WDPCP: variants seen among roughly 807,000 people sequenced by gnomAD.
WDPCP encodes WD repeat containing planar cell polarity effector, also known as WD repeat-containing and planar cell polarity effector protein fritz homolog.
WDPCP carries 71 observed loss-of-function variants against 93.1 expected under a neutral mutation model. The observed-to-expected ratio is 0.76, with a 90% confidence interval of 0.63 to 0.93. The LOEUF (loss-of-function observed/expected upper bound fraction) is 0.93. WDPCP is among the 40% of genes least tolerant of loss of function. WDPCP has a pLI of 0.00. For missense variants in WDPCP, 844 were observed against 887.4 expected, an observed-to-expected ratio of 0.95 and a Z score of 0.62; for synonymous variants, 315 against 315.0, an observed-to-expected ratio of 1.00 and a Z score of 0.00.
chr2:63,676,512 T>C (rs1380549538), intron 2 of WDPCP, among the ~76,000 whole-genome samples: 2 of 152,108 alleles, frequency 1.3e-5, no homozygotes, highest in African/African-American at 2.4e-5. Context: ...AAAAAATTTA[T>C]CAGTGCCCCA....
intron 13 of WDPCP, among the ~76,000 whole-genome samples, chr2:63,267,203 A>G (rs1682207339): frequency 1.3e-5 from 2 of 152,372 alleles, no homozygotes; most frequent in Middle Eastern, 6.8e-3. Context: ...ATTTTCAACA[A>G]AGCAGCCAAG....
At chr2:63,688,123 G>A (rs1038453208) in intron 2 of WDPCP, among the ~76,000 whole-genome samples, 1 of 152,162 alleles carries the variant, frequency 6.6e-6, no homozygotes, top group Non-Finnish European at 1.5e-5. Context: ...TTTATCTGTG[G>A]GAGCTAAAAG....
intron 14 of WDPCP, among the ~76,000 whole-genome samples, chr2:63,253,975 C>A (rs1161177547): frequency 6.6e-6 from 1 of 152,116 alleles, no homozygotes; most frequent in East Asian, 1.9e-4. Flanking sequence ...GACATGGAAT[C>A]AACCTAGGAA....
At chr2:63,471,420 C>T (rs537325390) in intron 6 of WDPCP, among the ~76,000 whole-genome samples, 19 of 152,250 alleles carry the variant, frequency 1.2e-4, no homozygotes, top group African/African-American at 4.1e-4. Context: ...TTCATATGGC[C>T]AACTGCAGCT....
intron 1 of WDPCP, among the ~76,000 whole-genome samples, chr2:63,579,144 CAT>C (rs1404450668): frequency 6.6e-6 from 1 of 152,136 alleles, no homozygotes; most frequent in East Asian, 1.9e-4. Context: ...GTGCTCTAAA[CAT>C]AAGTCTTCTC....
chr2:63,368,403 G>A (rs1279622414), intron 12 of WDPCP, among the ~76,000 whole-genome samples: 1 of 151,788 alleles, frequency 6.6e-6, no homozygotes, highest in Non-Finnish European at 1.5e-5. Context: ...TCGGCTCACT[G>A]CAGCCTCCAC....
intron 1 of WDPCP, among the ~76,000 whole-genome samples, chr2:63,499,297 A>G (rs1428610610): frequency 2.6e-5 from 4 of 152,218 alleles, no homozygotes; most frequent in Non-Finnish European, 5.9e-5. Context: ...TGCAAGGCTT[A>G]TTTGAGGAAT....
intron 2 of WDPCP, among the ~76,000 whole-genome samples, chr2:63,492,342 G>A (rs1323022264): frequency 4.0e-5 from 6 of 151,536 alleles, no homozygotes; most frequent in Admixed American, 3.3e-4. Flanking sequence ...GAAAATAATC[G>A]TACATCTTAC....
intron 1 of WDPCP, among the ~76,000 whole-genome samples, chr2:63,507,636 C>T (rs575554821): frequency 1.5e-4 from 23 of 151,834 alleles, no homozygotes; most frequent in Admixed American, 5.3e-4. Flanking sequence ...CAAACTCCAC[C>T]GAGCTAAAGG....
chr2:63,255,062 A>G (rs1681025598), intron 14 of WDPCP, among the ~76,000 whole-genome samples: 1 of 152,192 alleles, frequency 6.6e-6, no homozygotes, highest in Non-Finnish European at 1.5e-5. Flanking sequence ...CAGGAGAAGT[A>G]TTCGATAAAA....
intron 14 of WDPCP, among the ~76,000 whole-genome samples, chr2:63,175,424 A>T (rs1353476262): frequency 6.6e-6 from 1 of 152,132 alleles, no homozygotes; most frequent in East Asian, 1.9e-4. Flanking sequence ...AAACCAAAAA[A>T]AAAAACCTCT....
chr2:63,707,238 ATTCT>A (rs2103735212), intron 2 of WDPCP, among the ~76,000 whole-genome samples: 1 of 152,194 alleles, frequency 6.6e-6, no homozygotes, highest in Admixed American at 6.5e-5. Flanking sequence ...ACTTGGTTCC[ATTCT>A]CCCCGTTACT....
chr2:63,436,701 C>G (rs1182899416), intron 8 of WDPCP, among the ~76,000 whole-genome samples: 1 of 152,064 alleles, frequency 6.6e-6, no homozygotes, highest in Non-Finnish European at 1.5e-5. Context: ...ACACAAGTCA[C>G]TGTTGAAAAG....
intron 3 of WDPCP, chr2:63,597,226 G>A: frequency 7.5e-6 from 7 of 927,448 alleles, no homozygotes; most frequent in Non-Finnish European, 7.7e-6. Flanking sequence ...CATTTCTAAT[G>A]TTATGATTGT....
At chr2:63,518,278 A>C (rs1030289838) in intron 1 of WDPCP, 2 of 152,452 alleles carry the variant, frequency 1.3e-5, no homozygotes, top group African/African-American at 4.8e-5. Flanking sequence ...AAGGGATGGC[A>C]CTGGGAGTGG....
In WDPCP at chr2:63,248,476, T is replaced by G. The variant is rs570886705; in HGVS notation, c.1915+10831A>C. 3.3e-5 allele frequency among the ~76,000 whole-genome samples: 5 copies of G among 152,266 alleles called. No individual in the cohort carries two copies. The East Asian group carries it at 7.7e-4, about 24-fold the overall frequency. On this transcript the variant is annotated intron_variant, in intron 14 of 17. Coordinates refer to ENST00000272321, the MANE Select transcript of WDPCP (RefSeq NM_015910.7). Reference sequence around the variant, plus strand: ...TGTGGATCCATGTATTTCCTCAAATTTGGGAGGGTTTTGGTCATTATTTCT... The same window carrying G: ...TGTGGATCCATGTATTTCCTCAAATGTGGGAGGGTTTTGGTCATTATTTCT...
intron 12 of WDPCP, among the ~76,000 whole-genome samples, chr2:63,377,489 G>GTA (rs1184141771): frequency 6.6e-6 from 1 of 150,378 alleles, no homozygotes; most frequent in African/African-American, 2.4e-5. Context: ...ATATGTATGT[G>GTA]TATATATACA....
intron 3 of WDPCP, among the ~76,000 whole-genome samples, chr2:63,638,059 G>T (rs970147248): frequency 6.6e-6 from 1 of 152,132 alleles, no homozygotes; most frequent in Non-Finnish European, 1.5e-5. Flanking sequence ...ATGTACAATA[G>T]AATATTATTG....
chr2:63,333,148 T>TA (rs1300476636), intron 12 of WDPCP, among the ~76,000 whole-genome samples: 2 of 152,202 alleles, frequency 1.3e-5, no homozygotes, highest in Non-Finnish European at 1.5e-5. Flanking sequence ...TGATTTTTTT[T>TA]ATCTTGCCCA....
Sources: allele counts gnomAD v4.1 joint callset (sites outside exome capture counted in the v4.1 genomes callset), GRCh38; gene constraint gnomAD v4.1.1; transcripts MANE v1.5; gene names NCBI Gene and HGNC (gene_info 2026-07-23, HGNC 2026-07-21).